The following BBX variants were observed in gnomAD, a reference collection of about 807,000 sequenced individuals.
BBX encodes the protein HMG box transcription factor BBX.
Under a neutral mutation model 100.2 loss-of-function variants are expected in BBX, and 30 were observed. The ratio of observed to expected loss-of-function variants is 0.30; its 90% CI spans 0.22 to 0.41. The LOEUF (loss-of-function observed/expected upper bound fraction) is 0.41, where lower values mean the gene tolerates loss of function less well. Ranked by LOEUF, BBX falls within the 10% of genes least tolerant of loss-of-function variation. BBX has a pLI of 1.00. For synonymous variants in BBX, 376 were observed against 388.1 expected, an observed-to-expected ratio of 0.97 and a Z score of 0.37; for missense variants, 1,023 against 1,129.8, an observed-to-expected ratio of 0.91 and a Z score of 1.35.
intron 2 of BBX, among the ~76,000 whole-genome samples, chr3:107,593,524 A>G (rs2053476839): frequency 6.6e-6 from 1 of 152,216 alleles, no homozygotes; most frequent in South Asian, 2.1e-4. Context: ...TTTTCTTCCA[A>G]CATTTATTGA....
chr3:107,807,640 T>C lies in BBX; in HGVS notation c.*2183T>C, dbSNP rs2108084980. Reference sequence around the variant, plus strand: ...TAGATCTATTTTTGCCAGAGCACCCTCCTTCAGTCCTCCGATTACATTTCA... The same window carrying C: ...TAGATCTATTTTTGCCAGAGCACCCCCCTTCAGTCCTCCGATTACATTTCA... On this transcript the variant is annotated 3_prime_UTR_variant, in exon 18 of 18. Transcript: ENST00000325805. The C allele has an allele frequency of 6.6e-6, 1 of 152,146 alleles. No individual in the cohort carries two copies. Among genetic ancestry groups the C allele is most frequent in the Non-Finnish European group, 1.5e-5 (1 of 68,000 alleles). The allele number at this position is 152,146 out of a possible 1,614,324, so 9.4% of individuals were successfully genotyped here.
chr3:107,688,200 G>A (rs890234545), intron 3 of BBX, among the ~76,000 whole-genome samples: 1 of 152,184 alleles, frequency 6.6e-6, no homozygotes, highest in Admixed American at 6.5e-5. Context: ...TAAAGGCCCA[G>A]CCAGTTCTTC....
chr3:107,572,546 C>A (rs959473706), intron 2 of BBX, among the ~76,000 whole-genome samples: 3 of 152,084 alleles, frequency 2.0e-5, no homozygotes, highest in Non-Finnish European at 2.9e-5. Context: ...TCGTAACATT[C>A]TGATCGTTAG....
intron 2 of BBX, among the ~76,000 whole-genome samples, chr3:107,529,932 A>G (rs981242163): frequency 2.0e-5 from 3 of 152,204 alleles, no homozygotes; most frequent in Non-Finnish European, 4.4e-5. Context: ...CTAAAAGTAT[A>G]TATAAATAGA....
intron 2 of BBX, among the ~76,000 whole-genome samples, chr3:107,598,153 C>A (rs183534715): frequency 6.6e-6 from 1 of 152,066 alleles, no homozygotes; most frequent in African/African-American, 2.4e-5. Flanking sequence ...TAGTCATTGG[C>A]GTATTTTGGC....
intron 2 of BBX, among the ~76,000 whole-genome samples, chr3:107,527,286 G>A (rs754660322): frequency 6.6e-6 from 1 of 152,156 alleles, no homozygotes; most frequent in Non-Finnish European, 1.5e-5. Flanking sequence ...GTACTAAATT[G>A]TGTAAATCAG....
chr3:107,779,475 A>T (rs1363051339), intron 13 of BBX, among the ~76,000 whole-genome samples: 1 of 152,078 alleles, frequency 6.6e-6, no homozygotes, highest in Non-Finnish European at 1.5e-5. Flanking sequence ...GAATAGAGAG[A>T]TGAAGAACTT....
At chr3:107,563,406 T>C (rs1191376808) in intron 2 of BBX, among the ~76,000 whole-genome samples, 1 of 152,240 alleles carries the variant, frequency 6.6e-6, no homozygotes, top group Non-Finnish European at 1.5e-5. Context: ...TTTCTTTTTA[T>C]TAAACTCATA....
chr3:107,714,574 A>G (rs2061970628), intron 4 of BBX, among the ~76,000 whole-genome samples: 1 of 152,062 alleles, frequency 6.6e-6, no homozygotes, highest in Admixed American at 6.5e-5. Context: ...TTAGCTTCCT[A>G]GTTTCAGAAT....
In BBX at chr3:107,665,497, A is replaced by G. The variant is rs533558386; in HGVS notation, c.-10+19588A>G. ...ACCAGAGTCTGAATCTATCTACCTTACTGAGCTTTAGGCCCATAACTGTGT... is the reference window on the plus strand; with the variant it reads ...ACCAGAGTCTGAATCTATCTACCTTGCTGAGCTTTAGGCCCATAACTGTGT... On this transcript the variant is annotated intron_variant, in intron 3 of 17. Coordinates refer to ENST00000325805, the MANE Select transcript of BBX (RefSeq NM_001142568.3). 2.0e-5 allele frequency among the ~76,000 whole-genome samples: 3 copies of G among 152,242 alleles called. No individual in the cohort carries two copies. In the South Asian group the frequency reaches 6.2e-4, roughly 32 times the overall value.
At chr3:107,654,346 C>CTA (rs1000175210) in intron 3 of BBX, among the ~76,000 whole-genome samples, 157 of 152,244 alleles carry the variant, frequency 1.0e-3, no homozygotes, top group African/African-American at 3.7e-3. Context: ...ATATATCTTT[C>CTA]TAATAAGGCT....
chr3:107,695,883 T>C (rs999281276), intron 3 of BBX, among the ~76,000 whole-genome samples: 3 of 151,854 alleles, frequency 2.0e-5, no homozygotes, highest in Non-Finnish European at 4.4e-5. Context: ...GGTGCTCCTG[T>C]GTTGGGTGCA....
chr3:107,692,360 A>T (rs1302420312), intron 3 of BBX, among the ~76,000 whole-genome samples: 2 of 142,032 alleles, frequency 1.4e-5, no homozygotes, highest in Non-Finnish European at 3.0e-5. Context: ...CCCACCCCAC[A>T]ACAGTCCCCG....
intron 15 of BBX, among the ~76,000 whole-genome samples, chr3:107,791,956 G>T (rs1327460515): frequency 2.0e-5 from 3 of 152,144 alleles, no homozygotes; most frequent in Non-Finnish European, 4.4e-5. Context: ...AGCCAAGATC[G>T]TACCACTGCA....
chr3:107,778,602 TATC>T, intron 13 of BBX, 83 bp downstream of exon 13: 2 of 1,432,272 alleles, frequency 1.4e-6, no homozygotes, highest in Non-Finnish European at 1.9e-6. Context: ...CCTTTAGACA[TATC>T]ATTGGATTTG....
At chr3:107,660,588 CT>C (rs1197096775) in intron 3 of BBX, among the ~76,000 whole-genome samples, 1 of 147,888 alleles carries the variant, frequency 6.8e-6, no homozygotes, top group Non-Finnish European at 1.5e-5. Flanking sequence ...TACTTTAGAC[CT>C]TATTTGAAAA....
At chr3:107,705,783 C>G (rs560246282) in intron 3 of BBX, among the ~76,000 whole-genome samples, 1 of 152,150 alleles carries the variant, frequency 6.6e-6, no homozygotes, top group South Asian at 2.1e-4. Context: ...CACAGTAGAG[C>G]TATTATTATT....
At chr3:107,609,887 CTTTA>C (rs1393468456) in intron 2 of BBX, among the ~76,000 whole-genome samples, 2 of 151,622 alleles carry the variant, frequency 1.3e-5, no homozygotes, top group African/African-American at 4.8e-5. Flanking sequence ...CTACTCTGAT[CTTTA>C]TTTCTTTCCT....
intron 2 of BBX, among the ~76,000 whole-genome samples, chr3:107,548,689 T>A (rs639375): frequency 0.11 from 16,568 of 152,210 alleles, 1,004 homozygotes; most frequent in Non-Finnish European, 0.12. Flanking sequence ...ACATGGGCTG[T>A]TATGTTCATT....
Sources: allele counts gnomAD v4.1 joint callset (sites outside exome capture counted in the v4.1 genomes callset), GRCh38; gene constraint gnomAD v4.1.1; transcripts MANE v1.5; gene names NCBI Gene and HGNC (gene_info 2026-07-23, HGNC 2026-07-21).